Variants in HEG1 observed in about 807,000 individuals in gnomAD.
The protein encoded by HEG1 is protein HEG homolog 1.
Under a neutral mutation model 125.6 loss-of-function variants are expected in HEG1, and 56 were observed. The observed-to-expected ratio is 0.45, with a 90% confidence interval of 0.36 to 0.56. The LOEUF (loss-of-function observed/expected upper bound fraction) is 0.56. Ranked by LOEUF, HEG1 falls within the 20% of genes least tolerant of loss-of-function variation. The pLI, the probability that HEG1 is intolerant of heterozygous loss-of-function variation, is 0.00. For missense variants in HEG1, 1,523 were observed against 1,670.0 expected, an observed-to-expected ratio of 0.91 and a Z score of 1.53; for synonymous variants, 644 against 668.5, an observed-to-expected ratio of 0.96 and a Z score of 0.57.
intron 1 of HEG1, among the ~76,000 whole-genome samples, chr3:125,052,120 T>C (rs1937820918): frequency 6.7e-6 from 1 of 150,306 alleles, no homozygotes; most frequent in African/African-American, 2.5e-5. Context: ...CCACGGAGAG[T>C]CCCTTGCCCC....
chr3:124,995,286 A>C (rs1936903335), intron 12 of HEG1, among the ~76,000 whole-genome samples: 1 of 152,104 alleles, frequency 6.6e-6, no homozygotes, highest in Admixed American at 6.5e-5. Flanking sequence ...GTGACAGAGC[A>C]AGGCTTTGTC....
intron 1 of HEG1, among the ~76,000 whole-genome samples, chr3:125,049,664 C>G (rs1368316781): frequency 6.6e-6 from 1 of 152,218 alleles, no homozygotes; most frequent in East Asian, 1.9e-4. Flanking sequence ...TCCAGCCTTA[C>G]TCTTTTAAGT....
At chr3:125,021,429 G>C (rs548629738) in intron 3 of HEG1, among the ~76,000 whole-genome samples, 6 of 152,266 alleles carry the variant, frequency 3.9e-5, no homozygotes, top group Middle Eastern at 3.4e-3. Flanking sequence ...AGATGAAAAT[G>C]TCTGCTGAAT....
chr3:124,991,243 G>C (rs1391055351), intron 12 of HEG1, among the ~76,000 whole-genome samples: 2 of 151,010 alleles, frequency 1.3e-5, no homozygotes, highest in Admixed American at 6.6e-5. Flanking sequence ...TCCACCTCCT[G>C]GGTTCAAGTG....
chr3:125,027,056 C>CA (rs1441527730), intron 3 of HEG1, 149 bp downstream of exon 3: 8 of 665,850 alleles, frequency 1.2e-5, no homozygotes, highest in Admixed American at 6.2e-5. Context: ...ACTTCCACTC[C>CA]AAGTACCTGG....
chr3:124,972,436 C>T (rs1333602807), intron 16 of HEG1, among the ~76,000 whole-genome samples: 1 of 151,978 alleles, frequency 6.6e-6, no homozygotes, highest in Non-Finnish European at 1.5e-5. Context: ...TGTTTTTTTC[C>T]TTATTTATAA....
Position 125,049,159 on chromosome 3 carries a change from T to C in HEG1, c.316+6416A>G, listed in dbSNP as rs55957478. On this transcript the variant is annotated intron_variant, in intron 1 of 16. Transcript: ENST00000311127. ...CAGTTCAGAATGGAGGCCAGAGGCC[T>C]TTCCCCAGACCTCATTCTCCCCAGT... Among the ~76,000 whole-genome samples, 241 of 152,288 alleles carry C rather than the reference T, an allele frequency of 1.6e-3. 1 individual carries two copies. Among genetic ancestry groups the C allele is most frequent in the African/African-American group, 5.4e-3 (225 of 41,556 alleles).
intron 1 of HEG1, among the ~76,000 whole-genome samples, chr3:125,051,595 G>A (rs546073519): frequency 1.3e-5 from 2 of 152,304 alleles, no homozygotes; most frequent in African/African-American, 4.8e-5. Flanking sequence ...GTGTGAAGGC[G>A]CCGACCACAC....
chr3:125,000,271 G>T (rs1319302867), intron 11 of HEG1, among the ~76,000 whole-genome samples: 3 of 152,234 alleles, frequency 2.0e-5, no homozygotes, highest in Admixed American at 2.0e-4. Context: ...GAGTCAGAGG[G>T]TGGGTAGGGC....
At chr3:124,998,815 C>T (rs73201567) in intron 11 of HEG1, among the ~76,000 whole-genome samples, 11,592 of 152,024 alleles carry the variant, frequency 0.076, 580 homozygotes, top group African/African-American at 0.14. Flanking sequence ...GTGGATAGTA[C>T]CTTATTTACA....
At chr3:125,047,989 T>G (rs564882770) in intron 1 of HEG1, among the ~76,000 whole-genome samples, 1 of 152,328 alleles carries the variant, frequency 6.6e-6, no homozygotes, top group African/African-American at 2.4e-5. Flanking sequence ...TCCATTTCTT[T>G]GCCTTCAGCA....
chr3:125,049,086 T>C (rs1347042738), intron 1 of HEG1, among the ~76,000 whole-genome samples: 1 of 152,164 alleles, frequency 6.6e-6, no homozygotes, highest in Non-Finnish European at 1.5e-5. Context: ...TCCATGCCTA[T>C]CATACGGTAG....
At chr3:124,996,752 G>C (rs935510793) in intron 12 of HEG1, among the ~76,000 whole-genome samples, 5 of 152,196 alleles carry the variant, frequency 3.3e-5, no homozygotes, top group African/African-American at 4.8e-5. Flanking sequence ...CCTCGCCCCA[G>C]TATGTGATTT....
chr3:125,019,684 A>G (rs961462964), intron 4 of HEG1, 87 bp from the exon 5 acceptor site: 2 of 1,029,078 alleles, frequency 1.9e-6, no homozygotes, highest in African/African-American at 3.2e-5. Context: ...CTCTAGGGAA[A>G]GATTCTTTGC....
intron 11 of HEG1, 55 bp from the exon 12 acceptor site, chr3:124,997,878 C>A: frequency 2.0e-6 from 3 of 1,489,248 alleles, no homozygotes; most frequent in Non-Finnish European, 2.7e-6. Context: ...CACTTCAAAC[C>A]TTAAAATCTC....
Position 125,048,607 on chromosome 3 carries a change from T to C in HEG1, c.316+6968A>G, listed in dbSNP as rs183590853. Among the ~76,000 whole-genome samples, 619 of 152,324 alleles carry C rather than the reference T, an allele frequency of 4.1e-3. 2 individuals carry two copies. Among genetic ancestry groups the C allele is most frequent in the African/African-American group, 0.014 (575 of 41,564 alleles). ...GCAGAGCAAGAGAAGGTGAGAGAGG[T>C]GGCCAGTCAGATCCTGCAGGCCTCA... is the stretch of plus-strand genomic sequence containing the variant. On this transcript the variant is annotated intron_variant, in intron 1 of 16. Transcript: ENST00000311127.
intron 2 of HEG1, among the ~76,000 whole-genome samples, chr3:125,028,516 C>T (rs1186219492): frequency 6.6e-6 from 1 of 152,196 alleles, no homozygotes; most frequent in African/African-American, 2.4e-5. Flanking sequence ...CCTCAGCACC[C>T]CCACCACCTT....
chr3:124,972,992 T>TTG (rs1936471798), intron 16 of HEG1, among the ~76,000 whole-genome samples: 1 of 149,886 alleles, frequency 6.7e-6, no homozygotes, highest in Non-Finnish European at 1.5e-5. Flanking sequence ...AGTTGGTTTT[T>TTG]TTGTTGTTGT....
At chr3:124,974,039 G>A (rs914214959) in intron 15 of HEG1, 134 bp from the exon 16 acceptor site, 6 of 617,946 alleles carry the variant, frequency 9.7e-6, no homozygotes, top group African/African-American at 1.9e-5. Flanking sequence ...CCACTGAGTA[G>A]TATTATTATT....
Sources: allele counts gnomAD v4.1 joint callset (sites outside exome capture counted in the v4.1 genomes callset), GRCh38; gene constraint gnomAD v4.1.1; transcripts MANE v1.5; gene names NCBI Gene and HGNC (gene_info 2026-07-23, HGNC 2026-07-21).